Variants in SUGCT observed in about 807,000 individuals in gnomAD.
SUGCT encodes the protein succinyl-CoA:glutarate-CoA transferase, also known as succinyl-CoA:glutarate CoA-transferase.
Under a neutral mutation model 55.0 loss-of-function variants are expected in SUGCT, and 41 were observed. The observed-to-expected ratio is 0.74, with a 90% CI of 0.58 to 0.97. The LOEUF (loss-of-function observed/expected upper bound fraction) is 0.97, where lower values mean the gene tolerates loss of function less well. Among genes scored for constraint, SUGCT ranks in the 50% least tolerant of loss-of-function variants. The pLI is 0.00. For synonymous variants in SUGCT, 187 were observed against 200.4 expected, an observed-to-expected ratio of 0.93 and a Z score of 0.56; for missense variants, 568 against 547.8, an observed-to-expected ratio of 1.04 and a Z score of -0.37.
intron 7 of SUGCT, among the ~76,000 whole-genome samples, chr7:40,252,907 A>C (rs1790530087): frequency 6.6e-6 from 1 of 152,210 alleles, no homozygotes; most frequent in South Asian, 2.1e-4. Flanking sequence ...TCAGCCTCCT[A>C]AAGTGCTGGG....
At chr7:40,997,307 G>A in the SUGCT span, among the ~76,000 whole-genome samples, 11 of 152,120 alleles carry the variant, frequency 7.2e-5, no homozygotes, top group Admixed American at 5.9e-4. Flanking sequence ...CTGCACTGAT[G>A]CAGGTCCTGC....
At chr7:40,173,442 A>G (rs1321645807) in intron 1 of SUGCT, among the ~76,000 whole-genome samples, 4 of 152,216 alleles carry the variant, frequency 2.6e-5, no homozygotes, top group Admixed American at 6.5e-5. Flanking sequence ...AAGAGTGTGC[A>G]GTTGCAAGAT....
intron 1 of SUGCT, among the ~76,000 whole-genome samples, chr7:40,147,409 C>T (rs990796860): frequency 2.0e-5 from 3 of 152,172 alleles, no homozygotes; most frequent in Non-Finnish European, 4.4e-5. Context: ...CCAAGCATCC[C>T]GACTAAGGAA....
chr7:40,258,590 G>A lies in SUGCT; in HGVS notation c.577-15923G>A, dbSNP rs553395831. On this transcript the variant is annotated intron_variant, in intron 7 of 13. Transcript: ENST00000335693. Reference sequence around the variant, plus strand: ...GACAGAGTTTCACCATGTTGGTCAGGCTGGTCTCGAACTCCTGACCTCGTG... The same window carrying A: ...GACAGAGTTTCACCATGTTGGTCAGACTGGTCTCGAACTCCTGACCTCGTG... Among the ~76,000 whole-genome samples, 21 of 152,250 alleles carry A rather than the reference G, an allele frequency of 1.4e-4. No individual in the cohort carries two copies. The East Asian group carries it at 3.9e-3, about 28-fold the overall frequency.
chr7:40,814,091 C>T (rs1432959293), intron 13 of SUGCT, among the ~76,000 whole-genome samples: 1 of 152,158 alleles, frequency 6.6e-6, no homozygotes, highest in Non-Finnish European at 1.5e-5. Context: ...CACTGTTAGC[C>T]TGATGGGGCT....
At chr7:40,834,631 C>A (rs1281425137) in intron 13 of SUGCT, among the ~76,000 whole-genome samples, 1 of 152,144 alleles carries the variant, frequency 6.6e-6, no homozygotes, top group Non-Finnish European at 1.5e-5. Flanking sequence ...GCACCTGGAA[C>A]ATGGCACTTA....
At chr7:40,621,788 C>A (rs892750693) in intron 12 of SUGCT, among the ~76,000 whole-genome samples, 1 of 152,168 alleles carries the variant, frequency 6.6e-6, no homozygotes, top group African/African-American at 2.4e-5. Context: ...AGACATTTTT[C>A]ATCTTATATC....
chr7:40,448,949 T>A (rs1180746140), intron 9 of SUGCT, among the ~76,000 whole-genome samples: 1 of 139,414 alleles, frequency 7.2e-6, no homozygotes, highest in African/African-American at 3.0e-5. Context: ...TGTGTGTGTG[T>A]GTATATATAT....
At chr7:40,495,180 G>A (rs1791901669) in intron 11 of SUGCT, among the ~76,000 whole-genome samples, 2 of 151,260 alleles carry the variant, frequency 1.3e-5, no homozygotes, top group South Asian at 4.2e-4. Flanking sequence ...CCAAAGTGCT[G>A]AGATTACAGG....
intron 12 of SUGCT, among the ~76,000 whole-genome samples, chr7:40,632,815 A>T (rs190724142): frequency 6.6e-6 from 1 of 152,168 alleles, no homozygotes; most frequent in African/African-American, 2.4e-5. Flanking sequence ...CTAGTATACA[A>T]GTTCACTTGA....
At chr7:40,976,909 C>T in the SUGCT span, among the ~76,000 whole-genome samples, 1 of 152,282 alleles carries the variant, frequency 6.6e-6, no homozygotes, top group East Asian at 1.9e-4. Flanking sequence ...CCACATGCAC[C>T]CTCTTTCCTT....
At chr7:40,753,995 C>T (rs1463953430) in intron 13 of SUGCT, among the ~76,000 whole-genome samples, 3 of 152,096 alleles carry the variant, frequency 2.0e-5, no homozygotes, top group East Asian at 3.9e-4. Context: ...TCTCTATCAT[C>T]TTCAAACTAT....
At chr7:40,256,575 G>C (rs1378431699) in intron 7 of SUGCT, among the ~76,000 whole-genome samples, 1 of 152,088 alleles carries the variant, frequency 6.6e-6, no homozygotes, top group East Asian at 1.9e-4. Context: ...TGAGGATGCT[G>C]GTGTATTTCC....
chr7:40,902,238 AT>A, the SUGCT span, among the ~76,000 whole-genome samples: 1 of 152,184 alleles, frequency 6.6e-6, no homozygotes, highest in Non-Finnish European at 1.5e-5. Context: ...ACAAGCATAC[AT>A]TATGTGGCCA....
intron 3 of SUGCT, among the ~76,000 whole-genome samples, chr7:40,184,113 T>G (rs1288990796): frequency 6.6e-6 from 1 of 152,112 alleles, no homozygotes; most frequent in African/African-American, 2.4e-5. Flanking sequence ...AGGCGGAGGT[T>G]GCAGTGAGTC....
At chr7:40,915,870 G>A in the SUGCT span, among the ~76,000 whole-genome samples, 6 of 152,162 alleles carry the variant, frequency 3.9e-5, no homozygotes, top group Non-Finnish European at 5.9e-5. Flanking sequence ...ATCGCACCCT[G>A]TTTTTTTGGT....
intron 1 of SUGCT, among the ~76,000 whole-genome samples, chr7:40,142,483 G>A (rs1485913916): frequency 6.6e-6 from 1 of 152,196 alleles, no homozygotes; most frequent in Non-Finnish European, 1.5e-5. Flanking sequence ...GTTTTAGTAA[G>A]TGCTGTTTTT....
chr7:40,745,426 A>T lies in SUGCT; in HGVS notation c.1090-4008A>T, dbSNP rs150682595. Among the ~76,000 whole-genome samples the T allele has an allele frequency of 4.2e-3, 639 of 152,172 alleles. 1 individual carries two copies. The highest frequency in any genetic ancestry group is 7.4e-3 in the Non-Finnish European group (506 of 67,982). ...TAAAAAGACTTTCTTACTTTCACTTAAACTTTTATTTCCCACGTTACTTTA... is the reference window on the plus strand; with the variant it reads ...TAAAAAGACTTTCTTACTTTCACTTTAACTTTTATTTCCCACGTTACTTTA... On this transcript the variant is annotated intron_variant, in intron 12 of 13. Coordinates refer to ENST00000335693, the MANE Select transcript of SUGCT (RefSeq NM_001193313.2).
intron 12 of SUGCT, among the ~76,000 whole-genome samples, chr7:40,620,875 G>T (rs1397144415): frequency 6.6e-6 from 1 of 152,096 alleles, no homozygotes; most frequent in Admixed American, 6.5e-5. Context: ...AAACAGTAGG[G>T]GAAACTTCAT....
Sources: gnomAD v4.1 joint callset for allele counts (sites outside exome capture counted in the v4.1 genomes callset) on GRCh38, gnomAD v4.1.1 for gene constraint, MANE v1.5 for transcripts, NCBI Gene and HGNC (gene_info 2026-07-23, HGNC 2026-07-21) for gene names.